The following MALRD1 variants were observed in gnomAD, a reference collection of about 807,000 sequenced individuals.
The protein encoded by MALRD1 is MAM and LDL-receptor class A domain-containing protein 1.
MALRD1 carries 247 observed loss-of-function variants against 242.1 expected under a neutral mutation model. That is an observed-to-expected ratio of 1.02 (90% confidence interval 0.92 to 1.13). The LOEUF is 1.13. Ranked by LOEUF, MALRD1 falls within the 50% of genes most tolerant of loss-of-function variation. The probability of loss-of-function intolerance (pLI) is 0.00; values close to 1 mark genes in which losing one functional copy is unlikely to be tolerated. For synonymous variants in MALRD1, 995 were observed against 866.6 expected (o/e 1.15, Z -2.60); for missense variants, 2,989 against 2,533.1 (o/e 1.18, Z -3.86).
At chr10:19,279,453 C>G (rs1321404645) in intron 19 of MALRD1, among the ~76,000 whole-genome samples, 1 of 152,164 alleles carries the variant, frequency 6.6e-6, no homozygotes, top group Non-Finnish European at 1.5e-5. Flanking sequence ...ATGGCACAGA[C>G]ATGTTATCAA....
At chr10:19,555,810 A>T (rs895796892) in intron 32 of MALRD1, among the ~76,000 whole-genome samples, 3 of 152,144 alleles carry the variant, frequency 2.0e-5, no homozygotes, top group African/African-American at 4.8e-5. Flanking sequence ...GTCTCTAAAG[A>T]TTGAGTTGGG....
intron 21 of MALRD1, chr10:19,290,212 A>G (rs1366581045): frequency 6.6e-6 from 1 of 152,134 alleles, no homozygotes; most frequent in Non-Finnish European, 1.5e-5. Context: ...TCAGAAGTGA[A>G]CTCTGTGATA....
chr10:19,098,087 C>T (rs1564389506), intron 4 of MALRD1, among the ~76,000 whole-genome samples: 2 of 152,154 alleles, frequency 1.3e-5, no homozygotes, highest in Non-Finnish European at 2.9e-5. Flanking sequence ...CCAAGACCCT[C>T]TCTTGGGGTC....
intron 5 of MALRD1, among the ~76,000 whole-genome samples, chr10:19,120,624 G>GT (rs1837026842): frequency 7.7e-6 from 1 of 130,620 alleles, no homozygotes; most frequent in Non-Finnish European, 1.7e-5. Context: ...TGCCAGGGTA[G>GT]GGGGAGAAGA....
At chr10:19,575,234 G>A (rs1836749617) in intron 33 of MALRD1, among the ~76,000 whole-genome samples, 1 of 152,142 alleles carries the variant, frequency 6.6e-6, no homozygotes, top group African/African-American at 2.4e-5. Context: ...CCAACTATTG[G>A]TATAAGCAAG....
At chr10:19,344,091 C>T (rs1340888388) in intron 24 of MALRD1, among the ~76,000 whole-genome samples, 1 of 152,058 alleles carries the variant, frequency 6.6e-6, no homozygotes, top group Non-Finnish European at 1.5e-5. Context: ...CAGATATTTT[C>T]TCCCCGGCTT....
At chr10:19,108,658 C>A (rs1279929116) in intron 5 of MALRD1, among the ~76,000 whole-genome samples, 1 of 26,742 alleles carries the variant, frequency 3.7e-5, no homozygotes, top group Non-Finnish European at 6.1e-5. Context: ...ACCTCATGAT[C>A]CACCCGCCTC....
chr10:19,274,667 T>G (rs1453310972), intron 19 of MALRD1, among the ~76,000 whole-genome samples: 1 of 152,298 alleles, frequency 6.6e-6, no homozygotes, highest in Non-Finnish European at 1.5e-5. Context: ...CAGCCTGAAC[T>G]GACTAAGACA....
intron 11 of MALRD1, among the ~76,000 whole-genome samples, chr10:19,148,783 AAAAAAATATAT>A (rs1204873978): frequency 1.9e-5 from 2 of 106,662 alleles, no homozygotes; most frequent in African/African-American, 8.0e-5. Context: ...TAAAAAAAAA[AAAAAAATATAT>A]ATATATATAT....
intron 21 of MALRD1, among the ~76,000 whole-genome samples, chr10:19,290,875 G>T (rs1232505351): frequency 6.6e-6 from 1 of 152,058 alleles, no homozygotes; most frequent in Non-Finnish European, 1.5e-5. Flanking sequence ...CTCTCAGTTT[G>T]TGATTTTATA....
chr10:19,584,973 T>C (rs1837313723), intron 33 of MALRD1, among the ~76,000 whole-genome samples: 1 of 152,170 alleles, frequency 6.6e-6, no homozygotes, highest in East Asian at 1.9e-4. Flanking sequence ...CCTTTACCAT[T>C]ATGTAATGGC....
At chr10:19,306,430 G>A (rs11009385) in intron 21 of MALRD1, among the ~76,000 whole-genome samples, 5 of 93,230 alleles carry the variant, frequency 5.4e-5, no homozygotes, top group South Asian at 3.9e-4. Context: ...ATATAGTGTC[G>A]TATATGTACC....
intron 28 of MALRD1, among the ~76,000 whole-genome samples, chr10:19,410,332 C>G (rs1255603309): frequency 1.3e-5 from 2 of 152,054 alleles, no homozygotes; most frequent in Admixed American, 1.3e-4. Context: ...TTTTATTCAC[C>G]TCATTGCAAA....
chr10:19,551,948 T>G (rs533013429), intron 32 of MALRD1, among the ~76,000 whole-genome samples: 1 of 152,324 alleles, frequency 6.6e-6, no homozygotes, highest in African/African-American at 2.4e-5. Flanking sequence ...GGCTACTTGA[T>G]TGTGGTAAAT....
intron 36 of MALRD1, among the ~76,000 whole-genome samples, chr10:19,682,862 C>A (rs1162911633): frequency 6.6e-6 from 1 of 152,122 alleles, no homozygotes; most frequent in Non-Finnish European, 1.5e-5. Context: ...CCGCCTGGAG[C>A]CCTTCTGATG....
In MALRD1 at chr10:19,450,388, G is replaced by A. The variant is rs1389884905; in HGVS notation, c.4927G>A (p.Gly1643Arg). 5.8e-6 allele frequency: 9 copies of A among 1,550,162 alleles called. No homozygotes were observed. The Admixed American group carries it at 1.6e-4, about 27-fold the overall frequency. The change falls in exon 29 of 40, where the codon GGA becomes AGA. Residue 1643 changes from glycine (G) to arginine (R), a missense_variant. Coordinates refer to ENST00000454679, the MANE Select transcript of MALRD1 (RefSeq NM_001142308.3). ...TTGGCAAAAGGCTGACATCCTGCTA[G>A]GAAAGTTAAGGAATTTTGAAGTCAT... ...NHWQKADILL[G>R]KLRNFEVIFQ... is the part of the protein sequence containing the mutation.
At chr10:19,589,309 A>G (rs538220027) in intron 33 of MALRD1, among the ~76,000 whole-genome samples, 1 of 152,168 alleles carries the variant, frequency 6.6e-6, no homozygotes, top group Non-Finnish European at 1.5e-5. Context: ...ATATAGCTGT[A>G]TATATAGCTG....
chr10:19,243,959 A>T (rs1365767925), intron 18 of MALRD1, among the ~76,000 whole-genome samples: 2 of 152,138 alleles, frequency 1.3e-5, no homozygotes, highest in African/African-American at 2.4e-5. Context: ...TGAGAAGGGA[A>T]ATTTTATTTT....
chr10:19,393,743 C>T (rs1846450575), intron 28 of MALRD1, among the ~76,000 whole-genome samples: 1 of 151,924 alleles, frequency 6.6e-6, no homozygotes, highest in Non-Finnish European at 1.5e-5. Context: ...GCGTGAGCCA[C>T]CGCGCCCGGC....
Sources: gnomAD v4.1 joint callset for allele counts (sites outside exome capture counted in the v4.1 genomes callset) on GRCh38, gnomAD v4.1.1 for gene constraint, MANE v1.5 for transcripts, NCBI Gene and HGNC (gene_info 2026-07-23, HGNC 2026-07-21) for gene names.